LDHA: variants seen among roughly 807,000 people sequenced by gnomAD.
LDHA encodes the protein L-lactate dehydrogenase A chain.
In LDHA, 10 loss-of-function variants were observed where a neutral mutation model predicts 36.3. That is an observed-to-expected ratio of 0.28 (90% CI 0.17 to 0.47). The LOEUF (loss-of-function observed/expected upper bound fraction) is 0.47, where lower values mean the gene tolerates loss of function less well. Among genes scored for constraint, LDHA ranks in the 20% least tolerant of loss-of-function variants. The pLI is 0.99. For synonymous variants in LDHA, 110 were observed against 136.7 expected (o/e 0.80, Z 1.36); for missense variants, 267 against 405.8 (o/e 0.66, Z 2.94).
intron 1 of LDHA, chr11:18,395,028 C>G: frequency 4.8e-6 from 1 of 209,536 alleles, no homozygotes; most frequent in South Asian, 6.1e-5. Flanking sequence ...GCCCATAGAG[C>G]CAAAAAAGCC....
intron 2 of LDHA, among the ~76,000 whole-genome samples, chr11:18,398,273 TTA>T (rs2134019650): frequency 6.6e-6 from 1 of 152,336 alleles, no homozygotes; most frequent in South Asian, 2.1e-4. Context: ...TTTGCCAGTA[TTA>T]TACACTGCAC....
In LDHA at chr11:18,402,986, G is replaced by T. The variant is rs1470450944; in HGVS notation, c.565G>T (p.Val189Phe). The change falls in exon 5 of 8, where the codon GTC (valine) becomes TTC (phenylalanine). Residue 189 changes from valine to phenylalanine, a missense_variant. Physicochemically the swap from Val to Phe is conservative, Grantham distance 50. Coordinates refer to ENST00000422447, the MANE Select transcript of LDHA (RefSeq NM_005566.4). The stretch of plus-strand genomic sequence containing the variant: ...TCACCCATTAAGCTGTCATGGGTGG[G>T]TCCTTGGGGAACATGGAGATTCCAG... The part of the protein sequence containing the change: ...GVHPLSCHGW[V>F]LGEHGDSSVP... The T allele has an allele frequency of 3.7e-6, 6 of 1,613,382 alleles. No individual in the cohort carries two copies. Among genetic ancestry groups the T allele is most frequent in the Non-Finnish European group, 5.1e-6 (6 of 1,179,468 alleles).
rs1431763470 is a variant in LDHA, at chr11:18,394,642, G to A, written c.-25+6G>A. 2.2e-6 allele frequency: 1 copy of A among 454,064 alleles called. No individual in the cohort carries two copies. The highest frequency in any genetic ancestry group is 2.3e-5 in the Admixed American group (1 of 42,574). The allele number at this position is 454,064 out of a possible 1,614,324, so 28.1% of individuals were successfully genotyped here. A position where few individuals can be genotyped will look rare whatever the true frequency, so the allele number is the denominator to read the frequency against. ...CCGCCCGACGTGCATTCCCGGTACG[G>A]TAGGGCCCTGCGCGCACGGCGCCAG... On this transcript the variant is annotated splice_donor_region_variant and intron_variant, in intron 1 of 7. Coordinates refer to ENST00000422447, the MANE Select transcript of LDHA (RefSeq NM_005566.4).
chr11:18,401,728 T>C (rs535745632), intron 4 of LDHA, among the ~76,000 whole-genome samples: 112 of 140,516 alleles, frequency 8.0e-4, no homozygotes, highest in South Asian at 1.8e-3. Flanking sequence ...CTGCCCGCCT[T>C]GGCCTCCCAA....
Position 18,399,560 on chromosome 11 carries a change from C to T in LDHA, c.244+12C>T. On this transcript the variant is annotated intron_variant, in intron 3 of 7. Transcript: ENST00000422447. ...TGTCTCTGGCAAAGGTTGATTTCAACAAGTTTATATTATAATCCATGCTTG... is the reference window on the plus strand; with the variant it reads ...TGTCTCTGGCAAAGGTTGATTTCAATAAGTTTATATTATAATCCATGCTTG... The T allele has an allele frequency of 4.6e-6, 7 of 1,521,960 alleles. No individual in the cohort carries two copies. The highest frequency in any genetic ancestry group is 5.5e-6 in the Non-Finnish European group (6 of 1,096,066). 94.3% of individuals were successfully genotyped at this position (1,521,960 alleles called of 1,614,324 possible).
intron 7 of LDHA, 27 bp from the exon 8 acceptor site, chr11:18,407,090 A>ATTTTTTTTTTTTTTTTTTTTTTTTTTTT: frequency 6.9e-7 from 1 of 1,452,568 alleles, no homozygotes. Context: ...AAAATGTGAG[A>ATTTTTTTTTTTTTTTTTTTTTTTTTTTT]TTTTTTTTTT....
intron 2 of LDHA, among the ~76,000 whole-genome samples, chr11:18,398,314 T>G (rs1275466826): frequency 6.6e-6 from 1 of 152,232 alleles, no homozygotes; most frequent in Non-Finnish European, 1.5e-5. Flanking sequence ...CTGTTAGTAT[T>G]GGTTCATATA....
chr11:18,397,474 A>G (rs1012611908), intron 2 of LDHA: 1 of 152,520 alleles, frequency 6.6e-6, no homozygotes, highest in Non-Finnish European at 1.5e-5. Flanking sequence ...TACACTATTG[A>G]AAGCTGATTT....
intron 4 of LDHA, among the ~76,000 whole-genome samples, chr11:18,401,416 A>G (rs1263059958): frequency 6.8e-6 from 1 of 146,450 alleles, no homozygotes; most frequent in Non-Finnish European, 1.5e-5. Flanking sequence ...AAGTGCTAGG[A>G]TTACAGGCGT....
At chr11:18,399,764 T>G (rs1866416349) in intron 3 of LDHA, 2 of 500,958 alleles carry the variant, frequency 4.0e-6, no homozygotes, top group Non-Finnish European at 7.3e-6. Flanking sequence ...CCGGCTAATT[T>G]TTTTACTTTT....
chr11:18,405,277 T>C (rs1866645441), intron 6 of LDHA, among the ~76,000 whole-genome samples, 172 bp from the exon 7 acceptor site: 1 of 152,242 alleles, frequency 6.6e-6, no homozygotes, highest in Non-Finnish European at 1.5e-5. Flanking sequence ...GTACTGTTAA[T>C]GAATATCCCT....
intron 2 of LDHA, among the ~76,000 whole-genome samples, chr11:18,398,369 G>A (rs1013977131): frequency 4.0e-5 from 6 of 150,674 alleles, no homozygotes; most frequent in African/African-American, 1.2e-4. Context: ...CTGAAAGATG[G>A]GCGGAAATCA....
Position 18,408,329 on chromosome 11 carries a change from TAAAAAAAC to T in LDHA, c.*1053_*1060del. 1 of 380,132 alleles carries T rather than the reference TAAAAAAAC, an allele frequency of 2.6e-6. No individual in the cohort carries two copies. The highest frequency in any genetic ancestry group is 2.1e-5 in the African/African-American group (1 of 46,822). 23.5% of individuals were successfully genotyped at this position (380,132 alleles called of 1,614,324 possible). ...GCCAACACAACAAAACCCCATCTGT[TAAAAAAAC>T]AAAACAAAACCAAAAAAAACAAGTA... On this transcript the variant is annotated 3_prime_UTR_variant, in exon 8 of 8. Coordinates refer to ENST00000422447, the MANE Select transcript of LDHA (RefSeq NM_005566.4).
intron 3 of LDHA, chr11:18,400,410 A>T: frequency 3.6e-6 from 1 of 275,072 alleles, no homozygotes; most frequent in Non-Finnish European, 7.0e-6. Flanking sequence ...CTTAAAAACA[A>T]GTCCCCCTAC....
intron 1 of LDHA, chr11:18,396,382 G>C (rs757980047): frequency 1.5e-5 from 6 of 401,008 alleles, no homozygotes; most frequent in Non-Finnish European, 2.2e-5. Flanking sequence ...ATCACCGCAG[G>C]CTCCTGTGCC....
chr11:18,399,261 AATCT>A, intron 2 of LDHA, 166 bp from the exon 3 acceptor site: 1 of 617,298 alleles, frequency 1.6e-6, no homozygotes, highest in Non-Finnish European at 2.9e-6. Context: ...TGTAGGGTGT[AATCT>A]GTAAGTCAGC....
chr11:18,398,292 A>G (rs1474669566), intron 2 of LDHA, among the ~76,000 whole-genome samples: 1 of 152,172 alleles, frequency 6.6e-6, no homozygotes, highest in South Asian at 2.1e-4. Flanking sequence ...GCACAAACCT[A>G]TTTATCCATA....
At position 18,407,309 on chromosome 11, in the gene LDHA, G is replaced by T; in HGVS notation, c.*28G>T. ...TCTTCTGATGTCATATCATTTCACT[G>T]TCTAGGCTACAACAGGATTCTAGGT... On this transcript the variant is annotated 3_prime_UTR_variant, in exon 8 of 8. Transcript: ENST00000422447. 1 of 1,612,408 alleles carries T rather than the reference G, an allele frequency of 6.2e-7. No individual in the cohort carries two copies. Among genetic ancestry groups the T allele is most frequent in the Non-Finnish European group, 8.5e-7 (1 of 1,179,678 alleles).
intron 7 of LDHA, chr11:18,406,543 C>T (rs1000859170): frequency 6.6e-6 from 1 of 151,926 alleles, no homozygotes; most frequent in African/African-American, 2.4e-5. Flanking sequence ...ATGGTGAAAC[C>T]CTGTCTCTAC....
Sources: allele counts gnomAD v4.1 joint callset (sites outside exome capture counted in the v4.1 genomes callset), GRCh38; gene constraint gnomAD v4.1.1; transcripts MANE v1.5; gene names NCBI Gene and HGNC (gene_info 2026-07-23, HGNC 2026-07-21).